The following PMFBP1 variants were observed in gnomAD, a reference collection of about 807,000 sequenced individuals.
PMFBP1 encodes polyamine-modulated factor 1-binding protein 1.
A neutral mutation model predicts 137.8 loss-of-function variants in PMFBP1; 131 were observed. The observed-to-expected ratio is 0.95, with a 90% CI of 0.82 to 1.10. The LOEUF (loss-of-function observed/expected upper bound fraction) is 1.10. PMFBP1 is among the 50% of genes least tolerant of loss of function. PMFBP1 has a pLI of 0.00. For synonymous variants in PMFBP1, 490 were observed against 450.4 expected (o/e 1.09, Z -1.11); for missense variants, 1,199 against 1,175.4 (o/e 1.02, Z -0.29).
the PMFBP1 span, among the ~76,000 whole-genome samples, chr16:72,198,003 G>C: frequency 6.6e-6 from 1 of 152,188 alleles, no homozygotes; most frequent in African/African-American, 2.4e-5. Context: ...GTTGGCAGAT[G>C]AATCATTCTT....
chr16:72,180,117 A>G (rs1258629753), upstream of PMFBP1, among the ~76,000 whole-genome samples: 2 of 152,046 alleles, frequency 1.3e-5, no homozygotes, highest in African/African-American at 2.4e-5. Flanking sequence ...GCTCAACATC[A>G]TGGTCTTCTT....
chr16:72,156,816 A>G (rs2042987953), intron 3 of PMFBP1, among the ~76,000 whole-genome samples: 1 of 152,104 alleles, frequency 6.6e-6, no homozygotes. Flanking sequence ...TCATCTAATT[A>G]ATGTGCTCAG....
In PMFBP1 at chr16:72,163,314, GA is replaced by G. The variant is rs2043091589; in HGVS notation, c.165+1449del. ...CCCAGATGGCTCCCCAGCTTATGTG[GA>G]AAAATTTAGAGACTGACTTAAAGAC... is the stretch of plus-strand genomic sequence containing the variant. On this transcript the variant is annotated intron_variant, in intron 3 of 20. Transcript: ENST00000237353. Among the ~76,000 whole-genome samples the G allele has an allele frequency of 3.9e-5, 6 of 152,318 alleles. No individual in the cohort carries two copies. In the South Asian group the frequency reaches 1.2e-3, roughly 32 times the overall value.
chr16:72,193,357 T>C, the PMFBP1 span, among the ~76,000 whole-genome samples: 1 of 152,024 alleles, frequency 6.6e-6, no homozygotes, highest in Non-Finnish European at 1.5e-5. Flanking sequence ...GCCACTGCAC[T>C]CCAGCCTGAG....
At chr16:72,135,512 C>T (rs541199643) in intron 9 of PMFBP1, among the ~76,000 whole-genome samples, 18 of 151,880 alleles carry the variant, frequency 1.2e-4, no homozygotes, top group Admixed American at 6.6e-4. Context: ...CCACCGCACC[C>T]GGCCGTCAGC....
chr16:72,178,978 A>C (rs1259838190), upstream of PMFBP1, among the ~76,000 whole-genome samples: 1 of 152,216 alleles, frequency 6.6e-6, no homozygotes, highest in East Asian at 1.9e-4. Context: ...TAAACTCTCC[A>C]ACATAGACTC....
At chr16:72,174,406 G>C (rs1449300224), upstream of PMFBP1, among the ~76,000 whole-genome samples, 1 of 152,108 alleles carries the variant, frequency 6.6e-6, no homozygotes, top group African/African-American at 2.4e-5. Flanking sequence ...ACCTCTTTAA[G>C]GCGTCTCCAG....
chr16:72,191,018 A>G, the PMFBP1 span, among the ~76,000 whole-genome samples: 1 of 152,200 alleles, frequency 6.6e-6, no homozygotes, highest in Non-Finnish European at 1.5e-5. Context: ...ATTTTAAAAC[A>G]CTTGGAAATA....
the PMFBP1 span, among the ~76,000 whole-genome samples, chr16:72,189,725 T>C: frequency 9.6e-5 from 14 of 145,100 alleles, no homozygotes; most frequent in African/African-American, 2.2e-4. Flanking sequence ...ACTGAGACCA[T>C]GGTATTGCAG....
chr16:72,242,292 G>T, the PMFBP1 span, among the ~76,000 whole-genome samples: 1 of 152,198 alleles, frequency 6.6e-6, no homozygotes, highest in Non-Finnish European at 1.5e-5. Context: ...TTCTGTCAAA[G>T]ATCCAATCAT....
At chr16:72,198,138 T>G in the PMFBP1 span, among the ~76,000 whole-genome samples, 1 of 152,184 alleles carries the variant, frequency 6.6e-6, no homozygotes. Context: ...AGGCCTAGAA[T>G]GTGAACTTGA....
the PMFBP1 span, among the ~76,000 whole-genome samples, chr16:72,225,670 G>T: frequency 6.7e-6 from 1 of 150,078 alleles, no homozygotes; most frequent in African/African-American, 2.5e-5. Context: ...CTATGATCAT[G>T]CCCCTCCACT....
At chr16:72,135,750 T>G (rs1408617980) in intron 9 of PMFBP1, among the ~76,000 whole-genome samples, 1 of 138,988 alleles carries the variant, frequency 7.2e-6, no homozygotes, top group Non-Finnish European at 1.5e-5. Context: ...GTTTTTTTTT[T>G]TTTTTTTTTT....
the PMFBP1 span, among the ~76,000 whole-genome samples, chr16:72,185,319 C>A: frequency 1.3e-5 from 2 of 152,092 alleles, no homozygotes; most frequent in African/African-American, 4.8e-5. Context: ...CCACCGTGCA[C>A]AGCCTTGTGT....
At chr16:72,248,471 C>CA in the PMFBP1 span, among the ~76,000 whole-genome samples, 15 of 150,382 alleles carry the variant, frequency 1.0e-4, no homozygotes, top group East Asian at 1.9e-4. Context: ...GAATATCTGC[C>CA]AAAAAAAAAT....
intron 20 of PMFBP1, 35 bp from the exon 21 acceptor site, chr16:72,119,389 C>A: frequency 1.2e-6 from 2 of 1,614,090 alleles, no homozygotes; most frequent in Non-Finnish European, 1.7e-6. Flanking sequence ...AGTTTTGATT[C>A]GAGGAGAAAT....
chr16:72,119,616 G>A (rs1290713656), intron 20 of PMFBP1: 6 of 1,443,480 alleles, frequency 4.2e-6, no homozygotes, highest in Non-Finnish European at 5.4e-6. Context: ...GTCAGGGGAG[G>A]GGGCAGGTCT....
intron 3 of PMFBP1, among the ~76,000 whole-genome samples, chr16:72,163,559 G>C (rs934149746): frequency 2.0e-5 from 3 of 152,234 alleles, no homozygotes; most frequent in African/African-American, 4.8e-5. Flanking sequence ...ACAAGGAACT[G>C]AGGGTCAAGT....
At chr16:72,122,606 A>C (rs2042391719) in intron 19 of PMFBP1, among the ~76,000 whole-genome samples, 1 of 152,178 alleles carries the variant, frequency 6.6e-6, no homozygotes, top group Non-Finnish European at 1.5e-5. Context: ...TGCCCTAAAT[A>C]ATCCAGTCTG....
Sources: gnomAD v4.1 joint callset for allele counts (sites outside exome capture counted in the v4.1 genomes callset) on GRCh38, gnomAD v4.1.1 for gene constraint, MANE v1.5 for transcripts, NCBI Gene and HGNC (gene_info 2026-07-23, HGNC 2026-07-21) for gene names.